The following THSD7B variants were observed in gnomAD, a reference collection of about 807,000 sequenced individuals.
The protein encoded by THSD7B is thrombospondin type-1 domain-containing protein 7B.
THSD7B carries 138 observed loss-of-function variants against 213.6 expected under a neutral mutation model. The ratio of observed to expected loss-of-function variants is 0.65; its 90% CI spans 0.56 to 0.74. The LOEUF is 0.74. THSD7B is among the 30% of genes least tolerant of loss of function. The pLI is 0.00. For missense variants in THSD7B, 1,931 were observed against 1,991.5 expected (o/e 0.97, Z 0.58); for synonymous variants, 742 against 687.0 (o/e 1.08, Z -1.25).
At chr2:137,068,855 G>C (rs181061698) in intron 3 of THSD7B, among the ~76,000 whole-genome samples, 1 of 152,022 alleles carries the variant, frequency 6.6e-6, no homozygotes, top group African/African-American at 2.4e-5. Flanking sequence ...AACAGGAAGA[G>C]CTTGTCTTTA....
chr2:137,676,521 C>A lies in THSD7B; in HGVS notation c.4740-3C>A. The A allele has an allele frequency of 6.3e-7, 1 of 1,587,164 alleles. No homozygotes were observed. ...GATCTGAGGAATTTTTTTCCCTTTGCAGCAAGAAGCCAAAACCACATCAAA... is the reference window on the plus strand; with the variant it reads ...GATCTGAGGAATTTTTTTCCCTTTGAAGCAAGAAGCCAAAACCACATCAAA... On this transcript the variant is annotated splice_region_variant and splice_polypyrimidine_tract_variant and intron_variant, in intron 27 of 27. Coordinates refer to ENST00000409968, the MANE Select transcript of THSD7B (RefSeq NM_001316349.2).
intron 2 of THSD7B, among the ~76,000 whole-genome samples, chr2:136,996,331 CTTTT>C (rs1158818186): frequency 6.6e-6 from 1 of 151,906 alleles, no homozygotes; most frequent in African/African-American, 2.4e-5. Context: ...CTTTCTTTTT[CTTTT>C]TTTCTTTTTT....
intron 1 of THSD7B, among the ~76,000 whole-genome samples, chr2:136,863,334 T>G (rs544873900): frequency 1.3e-5 from 2 of 152,200 alleles, no homozygotes; most frequent in Non-Finnish European, 2.9e-5. Flanking sequence ...TTGGCAAGTT[T>G]TGAGATGAAA....
At chr2:136,970,103 A>G (rs1573740817) in intron 2 of THSD7B, among the ~76,000 whole-genome samples, 1 of 152,350 alleles carries the variant, frequency 6.6e-6, no homozygotes, top group Admixed American at 6.5e-5. Context: ...GAGGATATTA[A>G]TGTGTTCTAG....
intron 12 of THSD7B, among the ~76,000 whole-genome samples, chr2:137,365,273 A>G (rs1685381686): frequency 6.6e-6 from 1 of 152,246 alleles, no homozygotes; most frequent in East Asian, 1.9e-4. Context: ...TGTTAGATCT[A>G]AAACCATTAA....
intron 9 of THSD7B, among the ~76,000 whole-genome samples, chr2:137,236,287 C>G (rs576258456): frequency 6.6e-6 from 1 of 152,220 alleles, no homozygotes; most frequent in African/African-American, 2.4e-5. Context: ...ATCTCTAAAC[C>G]CACTGCACTG....
intron 12 of THSD7B, among the ~76,000 whole-genome samples, chr2:137,354,248 C>T (rs111234005): frequency 8.6e-5 from 13 of 151,282 alleles, no homozygotes; most frequent in Non-Finnish European, 1.3e-4. Flanking sequence ...CCTAGATCTT[C>T]GATGTTGAAT....
chr2:136,809,732 G>T (rs558289054), intron 1 of THSD7B, among the ~76,000 whole-genome samples: 1 of 152,246 alleles, frequency 6.6e-6, no homozygotes, highest in East Asian at 1.9e-4. Flanking sequence ...CTTGCATAGA[G>T]AATTCTCTGT....
chr2:137,127,798 A>G (rs1688656004), intron 5 of THSD7B, among the ~76,000 whole-genome samples: 1 of 152,002 alleles, frequency 6.6e-6, no homozygotes, highest in South Asian at 2.1e-4. Context: ...CACACCTGTA[A>G]TCCTAGCTAT....
At chr2:137,254,792 G>A (rs960709018) in intron 10 of THSD7B, among the ~76,000 whole-genome samples, 10 of 151,946 alleles carry the variant, frequency 6.6e-5, no homozygotes, top group Non-Finnish European at 1.5e-4. Context: ...TAAATTGTAG[G>A]ATTCATGACT....
At chr2:137,133,246 C>T (rs1275522360) in intron 5 of THSD7B, among the ~76,000 whole-genome samples, 4 of 152,060 alleles carry the variant, frequency 2.6e-5, no homozygotes, top group Non-Finnish European at 4.4e-5. Context: ...AGTAAGGCCC[C>T]GAATAATCTA....
At chr2:137,322,013 G>T (rs548519110) in intron 12 of THSD7B, among the ~76,000 whole-genome samples, 129 of 152,312 alleles carry the variant, frequency 8.5e-4, no homozygotes, top group Non-Finnish European at 1.5e-3. Context: ...CTGCATTGTG[G>T]CTGCCTTTGC....
intron 2 of THSD7B, among the ~76,000 whole-genome samples, chr2:136,884,168 A>G (rs1623148): frequency 0.99 from 151,335 of 152,346 alleles, 75,175 homozygotes; most frequent in East Asian, 1. Context: ...GTTCTGTTAA[A>G]AAAGAAACAG....
chr2:137,476,751 G>T (rs945383894), intron 15 of THSD7B, among the ~76,000 whole-genome samples: 3 of 152,068 alleles, frequency 2.0e-5, no homozygotes, highest in African/African-American at 7.2e-5. Flanking sequence ...TGTTGGCCAG[G>T]CTGATTTCGA....
chr2:136,972,960 C>T (rs1367961505), intron 2 of THSD7B, among the ~76,000 whole-genome samples: 1 of 152,032 alleles, frequency 6.6e-6, no homozygotes, highest in East Asian at 1.9e-4. Flanking sequence ...CTCCTCACTC[C>T]CCACAAATTA....
chr2:136,989,032 A>G (rs1259060658), intron 2 of THSD7B, among the ~76,000 whole-genome samples: 1 of 152,220 alleles, frequency 6.6e-6, no homozygotes, highest in African/African-American at 2.4e-5. Context: ...TATTGGGGTA[A>G]GGATGGTTGA....
chr2:137,138,337 C>T (rs10191682), intron 5 of THSD7B, among the ~76,000 whole-genome samples: 2 of 152,098 alleles, frequency 1.3e-5, no homozygotes, highest in African/African-American at 4.8e-5. Context: ...CCACTTTATG[C>T]ACCTGCCAGC....
intron 12 of THSD7B, among the ~76,000 whole-genome samples, chr2:137,284,820 C>G (rs182493327): frequency 0.17 from 25,370 of 151,882 alleles, 2,572 homozygotes; most frequent in East Asian, 0.48. Flanking sequence ...TTACTTCTAA[C>G]TATGTGGTCA....
intron 4 of THSD7B, among the ~76,000 whole-genome samples, chr2:137,105,406 C>T (rs1276223662): frequency 6.6e-6 from 1 of 152,098 alleles, no homozygotes; most frequent in Non-Finnish European, 1.5e-5. Context: ...GAACATATCT[C>T]AAAATAATAA....
Sources: gnomAD v4.1 joint callset for allele counts (sites outside exome capture counted in the v4.1 genomes callset) on GRCh38, gnomAD v4.1.1 for gene constraint, MANE v1.5 for transcripts, NCBI Gene and HGNC (gene_info 2026-07-23, HGNC 2026-07-21) for gene names.